ARHGAP39: variants seen among roughly 807,000 people sequenced by gnomAD.
ARHGAP39 encodes the protein Rho GTPase activating protein 39.
A neutral mutation model predicts 106.9 loss-of-function variants in ARHGAP39; 44 were observed. The ratio of observed to expected loss-of-function variants is 0.41; its 90% CI spans 0.32 to 0.53. The LOEUF is 0.53. ARHGAP39 is among the 20% of genes least tolerant of loss of function. The pLI is 0.21. For missense variants in ARHGAP39, 1,496 were observed against 1,577.3 expected (o/e 0.95, Z 0.87); for synonymous variants, 768 against 693.2 (o/e 1.11, Z -1.69).
intron 1 of ARHGAP39, among the ~76,000 whole-genome samples, chr8:144,624,528 G>A (rs1437876714): frequency 2.0e-5 from 3 of 152,204 alleles, no homozygotes; most frequent in Non-Finnish European, 4.4e-5. Context: ...ACGGCTGCAC[G>A]AACAGCAAAA....
At chr8:144,616,451 A>G (rs1820638912) in intron 1 of ARHGAP39, among the ~76,000 whole-genome samples, 1 of 152,228 alleles carries the variant, frequency 6.6e-6, no homozygotes, top group African/African-American at 2.4e-5. Context: ...CAGGCACTAC[A>G]AGGGTCAGAC....
intron 1 of ARHGAP39, among the ~76,000 whole-genome samples, chr8:144,664,576 CT>C (rs1390030574): frequency 6.6e-6 from 1 of 152,218 alleles, no homozygotes; most frequent in Admixed American, 6.5e-5. Flanking sequence ...TCAACTTGTA[CT>C]CCCAGAATTC....
rs567768470 is a variant in ARHGAP39 at position 144,670,624 on chromosome 8, C to T, written c.-82+15062G>A. 3.9e-5 allele frequency among the ~76,000 whole-genome samples: 6 copies of T among 152,248 alleles called. No individual in the cohort carries two copies. The highest frequency in any genetic ancestry group is 4.8e-5 in the African/African-American group (2 of 41,548). On this transcript the variant is annotated intron_variant, in intron 1 of 11. Coordinates refer to ENST00000377307, the MANE Select transcript of ARHGAP39 (RefSeq NM_025251.3). The surrounding 1 kb of genome is among the most constrained non-coding windows in gnomAD (Gnocchi z 4.4). ...CCAGGCTCCCTGGGCTCCTGCCATC[C>T]GGTCCTGCTAACCCCAGGGCTGCCA...
chr8:144,679,532 C>T lies in ARHGAP39; in HGVS notation c.-82+6154G>A, dbSNP rs1586654657. 6.6e-6 allele frequency among the ~76,000 whole-genome samples: 1 copy of T among 152,176 alleles called. No homozygotes were observed. The highest frequency in any genetic ancestry group is 6.5e-5 in the Admixed American group (1 of 15,278). Reference sequence around the variant, plus strand: ...CAGTGCTGGGGTTGCTACTGCAACTCGCTCTGGAGAAAGCTGTCCAGTAAA... The same window carrying T: ...CAGTGCTGGGGTTGCTACTGCAACTTGCTCTGGAGAAAGCTGTCCAGTAAA... On this transcript the variant is annotated intron_variant, in intron 1 of 11. Transcript: ENST00000377307. The surrounding 1 kb of genome is among the most constrained non-coding windows in gnomAD (Gnocchi z 4.7).
intron 1 of ARHGAP39, among the ~76,000 whole-genome samples, chr8:144,642,924 G>A (rs1193473386): frequency 6.6e-6 from 1 of 151,762 alleles, no homozygotes; most frequent in East Asian, 1.9e-4. Context: ...GAGGCAGGAG[G>A]ATCCCTTGAG....
rs1319387682 is a variant in ARHGAP39 at position 144,679,840 on chromosome 8, C to T, written c.-82+5846G>A. On this transcript the variant is annotated intron_variant, in intron 1 of 11. Coordinates refer to ENST00000377307, the MANE Select transcript of ARHGAP39 (RefSeq NM_025251.3). This position sits in a 1 kb window ranked among gnomAD's most constrained non-coding sequence, Gnocchi z 4.7. ...CTAAAAACACAAAAAATTAGCCGGG[C>T]ATGGTGGTAGGCACCTGTAGTCCCA... is the stretch of plus-strand genomic sequence containing the variant. Among the ~76,000 whole-genome samples the T allele has an allele frequency of 6.6e-6, 1 of 152,122 alleles. No homozygotes were observed. Among genetic ancestry groups the T allele is most frequent in the East Asian group, 1.9e-4 (1 of 5,192 alleles).
At chr8:144,583,890 G>A (rs1819091322) in intron 2 of ARHGAP39, 1 of 152,186 alleles carries the variant, frequency 6.6e-6, no homozygotes, top group Admixed American at 6.5e-5. Flanking sequence ...GTTTTAAAGT[G>A]TTAAGGATTT....
intron 4 of ARHGAP39, among the ~76,000 whole-genome samples, chr8:144,549,520 G>A (rs1817616576): frequency 6.6e-6 from 1 of 152,220 alleles, no homozygotes; most frequent in East Asian, 1.9e-4. Context: ...TTGAGACGGA[G>A]TCTTGCTCTG....
chr8:144,663,693 G>A (rs972315489), intron 1 of ARHGAP39, among the ~76,000 whole-genome samples: 6 of 152,112 alleles, frequency 3.9e-5, no homozygotes, highest in African/African-American at 1.4e-4. Flanking sequence ...GGCTCAGGCA[G>A]GCCCTTCATC....
chr8:144,694,043 G>T, the ARHGAP39 span, among the ~76,000 whole-genome samples: 1 of 152,184 alleles, frequency 6.6e-6, no homozygotes, highest in African/African-American at 2.4e-5. Context: ...CCTGAGGCAG[G>T]AATGTGACCG....
chr8:144,537,159 T>G, intron 7 of ARHGAP39, among the ~76,000 whole-genome samples: 1 of 145,468 alleles, frequency 6.9e-6, no homozygotes, highest in African/African-American at 2.6e-5. Context: ...GGTAGAGAGG[T>G]GGAAGCTGTG....
At chr8:144,627,941 C>G (rs1181966037) in intron 1 of ARHGAP39, among the ~76,000 whole-genome samples, 1 of 152,176 alleles carries the variant, frequency 6.6e-6, no homozygotes, top group Non-Finnish European at 1.5e-5. Context: ...TGCCTCGGAG[C>G]CAGTGGGGGG....
At chr8:144,574,333 C>T (rs926327972) in intron 3 of ARHGAP39, among the ~76,000 whole-genome samples, 7 of 151,814 alleles carry the variant, frequency 4.6e-5, no homozygotes, top group African/African-American at 1.7e-4. Flanking sequence ...CCAGGAGTTC[C>T]AGACCAGACT....
intron 2 of ARHGAP39, among the ~76,000 whole-genome samples, chr8:144,592,874 T>C (rs1424512233): frequency 2.6e-4 from 39 of 152,206 alleles, no homozygotes; most frequent in Admixed American, 2.6e-3. Flanking sequence ...AGGCTGGCTC[T>C]GCACAGGGCG....
intron 2 of ARHGAP39, among the ~76,000 whole-genome samples, chr8:144,590,901 T>G (rs1213735242): frequency 6.6e-6 from 1 of 151,382 alleles, no homozygotes; most frequent in African/African-American, 2.4e-5. Flanking sequence ...GAGGTCGCCC[T>G]GAACCCCAGC....
chr8:144,549,680 A>G (rs1402492843), intron 4 of ARHGAP39, among the ~76,000 whole-genome samples: 3 of 151,944 alleles, frequency 2.0e-5, no homozygotes, highest in African/African-American at 7.3e-5. Flanking sequence ...TTTACTAGAG[A>G]GATGGGGTTT....
rs1484760874 is a variant in ARHGAP39 at position 144,670,932 on chromosome 8, C to G, written c.-82+14754G>C. Among the ~76,000 whole-genome samples the G allele has an allele frequency of 6.6e-6, 1 of 152,210 alleles. No homozygotes were observed. The highest frequency in any genetic ancestry group is 2.1e-4 in the South Asian group (1 of 4,828). ...GAATGGATGACCAGAAAGGCACGAC[C>G]ACCTAATCCAGCTCTGATGACGCTG... On this transcript the variant is annotated intron_variant, in intron 1 of 11. Transcript: ENST00000377307. The surrounding 1 kb of genome is among the most constrained non-coding windows in gnomAD (Gnocchi z 4.4).
chr8:144,557,091 A>G (rs1286042142), intron 3 of ARHGAP39, among the ~76,000 whole-genome samples: 1 of 144,928 alleles, frequency 6.9e-6, no homozygotes, highest in South Asian at 2.1e-4. Context: ...ACTCAGAGGC[A>G]AAGGCTGAAC....
At chr8:144,541,008 T>C (rs766699912) in intron 6 of ARHGAP39, among the ~76,000 whole-genome samples, 50 of 152,134 alleles carry the variant, frequency 3.3e-4, no homozygotes, top group Admixed American at 4.6e-4. Flanking sequence ...CCCGCCACCA[T>C]GCCTGACTAA....
Sources: allele counts gnomAD v4.1 joint callset (sites outside exome capture counted in the v4.1 genomes callset), GRCh38; gene constraint gnomAD v4.1.1; non-coding constraint Gnocchi (gnomAD v3.1); transcripts MANE v1.5; gene names NCBI Gene and HGNC (gene_info 2026-07-23, HGNC 2026-07-21).